POSTN: variants seen among roughly 807,000 people sequenced by gnomAD.
The protein encoded by POSTN is osteoblast specific factor 2 (fasciclin I-like).
A neutral mutation model predicts 104.5 loss-of-function variants in POSTN; 71 were observed. That is an observed-to-expected ratio of 0.68 (90% CI 0.56 to 0.83). POSTN has a LOEUF of 0.83. Among genes scored for constraint, POSTN ranks in the 40% least tolerant of loss-of-function variants. The pLI is 0.00. For synonymous variants in POSTN, 355 were observed against 340.7 expected (o/e 1.04, Z -0.46); for missense variants, 949 against 1,006.8 (o/e 0.94, Z 0.78).
intron 17 of POSTN, among the ~76,000 whole-genome samples, chr13:37,572,815 A>T (rs937022448): frequency 6.6e-6 from 1 of 151,630 alleles, no homozygotes; most frequent in African/African-American, 2.4e-5. Flanking sequence ...GTCATCAATA[A>T]ATCTGTAATT....
At chr13:37,576,485 GA>G (rs1043539436) in intron 16 of POSTN, among the ~76,000 whole-genome samples, 1 of 151,912 alleles carries the variant, frequency 6.6e-6, no homozygotes, top group Non-Finnish European at 1.5e-5. Flanking sequence ...TTTAGTAGGA[GA>G]AAATAATTAT....
chr13:37,590,642 A>T, intron 3 of POSTN, 113 bp from the exon 4 acceptor site: 1 of 834,680 alleles, frequency 1.2e-6, no homozygotes, highest in Non-Finnish European at 1.7e-6. Context: ...TAATTTTAGC[A>T]ATACAATTAT....
intron 10 of POSTN, 34 bp from the exon 11 acceptor site, chr13:37,580,731 T>G (rs1448711681): frequency 6.2e-7 from 1 of 1,612,828 alleles, no homozygotes. Context: ...GGGTGTCATT[T>G]TCCTTGCTTG....
In POSTN at chr13:37,577,930, A is replaced by C. The variant is rs966893334; in HGVS notation, c.1963-132T>G. The C allele has an allele frequency of 9.1e-6, 13 of 1,420,906 alleles. No individual in the cohort carries two copies. In the South Asian group the frequency reaches 2.2e-4, roughly 24 times the overall value. 88.0% of individuals were successfully genotyped at this position (1,420,906 alleles called of 1,614,324 possible). ...TACACTTAATAGAAGTGAAGTCCTC[A>C]TATAAATCATCTTCCAATTCAATGC... is the stretch of plus-strand genomic sequence containing the variant. On this transcript the variant is annotated intron_variant, in intron 15 of 22. Coordinates refer to ENST00000379747, the MANE Select transcript of POSTN (RefSeq NM_006475.3).
chr13:37,564,860 G>T, intron 21 of POSTN: 1 of 228,982 alleles, frequency 4.4e-6, no homozygotes, highest in Non-Finnish European at 8.4e-6. Context: ...TGACTTACAT[G>T]ATTTTTTCAA....
chr13:37,581,931 T>C (rs920133469), intron 10 of POSTN, among the ~76,000 whole-genome samples: 5 of 152,182 alleles, frequency 3.3e-5, no homozygotes, highest in African/African-American at 9.7e-5. Flanking sequence ...TGCTAACACA[T>C]TGTATGTGTA....
intron 2 of POSTN, among the ~76,000 whole-genome samples, chr13:37,596,550 C>T (rs1246492757): frequency 6.6e-6 from 1 of 152,154 alleles, no homozygotes; most frequent in Non-Finnish European, 1.5e-5. Flanking sequence ...AAAACATAAT[C>T]ATCCTTTGGG....
chr13:37,580,804 C>T (rs1566022543), intron 10 of POSTN, 107 bp from the exon 11 acceptor site: 3 of 1,419,904 alleles, frequency 2.1e-6, no homozygotes, highest in Non-Finnish European at 2.9e-6. Flanking sequence ...TGAGAGGTTG[C>T]CTGGTGTCTG....
Position 37,579,070 on chromosome 13 carries a change from T to A in POSTN, c.1843A>T (p.Met615Leu), listed in dbSNP as rs769687452. 7.4e-6 allele frequency: 12 copies of A among 1,613,340 alleles called. No homozygotes were observed. The highest frequency in any genetic ancestry group is 1.7e-5 in the Admixed American group (1 of 59,982). Residue 615 changes from methionine (M) to leucine (L), a missense_variant, in exon 14 of 23, where the codon ATG becomes TTG. Met to Leu is a conservative substitution (Grantham distance 15). Transcript: ENST00000379747. ...NELKSKESDI[M>L]TTNGVIHVVD... The stretch of plus-strand genomic sequence containing the variant: ...ACATGAATTACACCATTTGTTGTCA[T>A]GATGTCAGATTCTTTTGATTTCAAT...
Position 37,587,859 on chromosome 13 carries a change from T to G in POSTN, c.569A>C (p.Asn190Thr), listed in dbSNP as rs1332651839. Residue 190 changes from asparagine (N) to threonine (T), a missense_variant, in exon 5 of 23, where the codon AAC becomes ACC. Physicochemically the swap from Asn to Thr is moderately conservative, Grantham distance 65. Coordinates refer to ENST00000379747, the MANE Select transcript of POSTN (RefSeq NM_006475.3). ...ATGGTTAATGAAAAGCCCCAAATTG[T>G]TATACATTGAAGGAATAATCATGCC... ...KNGMIIPSMY[N>T]NLGLFINHYP... The G allele has an allele frequency of 6.2e-7, 1 of 1,604,918 alleles. No individual in the cohort carries two copies. Among genetic ancestry groups the G allele is most frequent in the African/African-American group, 1.3e-5 (1 of 74,738 alleles).
In POSTN at chr13:37,584,762, A is replaced by C. The variant is rs1317304405; in HGVS notation, c.1062T>G (p.Asn354Lys). The change falls in exon 8 of 23, where the codon AAT becomes AAG. Residue 354 changes from asparagine to lysine, a missense_variant. Coordinates refer to ENST00000379747, the MANE Select transcript of POSTN (RefSeq NM_006475.3). ...KMVNKKDIVT[N>K]NGVIHLIDQV... ...GATCAATCAAATGGATCACACCATT[A>C]TTTGTCACAATATCCTTTTTGTTCA... 1 of 1,613,846 alleles carries C rather than the reference A, an allele frequency of 6.2e-7. No individual in the cohort carries two copies. The highest frequency in any genetic ancestry group is 1.3e-5 in the African/African-American group (1 of 74,924).
intron 2 of POSTN, 147 bp from the exon 3 acceptor site, chr13:37,592,311 T>C: frequency 1.6e-6 from 1 of 609,858 alleles, no homozygotes; most frequent in Non-Finnish European, 2.8e-6. Context: ...TTTTCTTTTT[T>C]CTTTTGAGAC....
At position 37,590,408 on chromosome 13, in the gene POSTN, A is replaced by C; in HGVS notation, c.405T>G (p.Phe135Leu). 1.2e-6 allele frequency: 2 copies of C among 1,603,950 alleles called. No homozygotes were observed. The highest frequency in any genetic ancestry group is 2.2e-5 in the East Asian group (1 of 44,692). Residue 135 changes from phenylalanine to leucine, a missense_variant, in exon 4 of 23, where the codon TTT becomes TTG. By Grantham distance (22) the Phe-to-Leu change is conservative (BLOSUM62 0). Coordinates refer to ENST00000379747, the MANE Select transcript of POSTN (RefSeq NM_006475.3). ...EIEGKGSFTYFAPSNEAWDNL... is the reference protein window; with the variant it reads ...EIEGKGSFTYLAPSNEAWDNL... The stretch of plus-strand genomic sequence containing the variant: ...TGTCCCAAGCCTCATTACTCGGTGC[A>C]AAGTAAGTGAAGGATCCCTTTCCCT...
chr13:37,594,452 A>T (rs1484326177), intron 2 of POSTN, among the ~76,000 whole-genome samples: 1 of 152,126 alleles, frequency 6.6e-6, no homozygotes. Context: ...AAAAAAAAGC[A>T]GTTTTTTTCA....
intron 17 of POSTN, among the ~76,000 whole-genome samples, chr13:37,571,789 T>G (rs185866268): frequency 6.6e-6 from 1 of 151,870 alleles, no homozygotes; most frequent in East Asian, 1.9e-4. Flanking sequence ...TCATGCAGTA[T>G]GTACACATTT....
At chr13:37,577,200 G>A (rs556455704) in intron 16 of POSTN, among the ~76,000 whole-genome samples, 1 of 152,176 alleles carries the variant, frequency 6.6e-6, no homozygotes, top group East Asian at 1.9e-4. Context: ...TAATCTGGTT[G>A]TGTCAGAGAT....
intron 21 of POSTN, among the ~76,000 whole-genome samples, chr13:37,567,424 T>C (rs1335782000): frequency 6.6e-6 from 1 of 151,666 alleles, no homozygotes; most frequent in African/African-American, 2.4e-5. Flanking sequence ...CTTTTATCAA[T>C]GCCTTTTAGG....
Position 37,590,353 on chromosome 13 carries a change from G to T in POSTN, c.441+19C>A, listed in dbSNP as rs550034312. The T allele has an allele frequency of 9.8e-5, 147 of 1,495,544 alleles. No individual in the cohort carries two copies. The African/African-American group carries it at 1.8e-3, about 19-fold the overall frequency. The allele number at this position is 1,495,544 out of a possible 1,614,324, so 92.6% of individuals were successfully genotyped here. On this transcript the variant is annotated intron_variant, in intron 4 of 22. Coordinates refer to ENST00000379747, the MANE Select transcript of POSTN (RefSeq NM_006475.3). Reference sequence around the variant, plus strand: ...AATAACAGCAAAAAATAAATATATTGATAAAAATAATGAATTACAGAATCC... The same window carrying T: ...AATAACAGCAAAAAATAAATATATTTATAAAAATAATGAATTACAGAATCC...
Position 37,574,635 on chromosome 13 carries a change from T to G in POSTN, c.2026A>C (p.Lys676Gln), listed in dbSNP as rs1351867994. The G allele has an allele frequency of 8.8e-6, 14 of 1,599,558 alleles. No homozygotes were observed. The highest frequency in any genetic ancestry group is 2.2e-5 in the East Asian group (1 of 44,466). Reference protein sequence around the residue: ...VTVYTTKIITKVVEPKIKVIE... With the variant: ...VTVYTTKIITQVVEPKIKVIE... ...ACTTTAATTTTTGGTTCCACAACTTTGGTTATAATTTTAGTTGCTGAAAGT... is the reference window on the plus strand; with the variant it reads ...ACTTTAATTTTTGGTTCCACAACTTGGGTTATAATTTTAGTTGCTGAAAGT... The change falls in exon 17 of 23, where the codon AAA becomes CAA. Residue 676 changes from lysine to glutamine, a missense_variant. Physicochemically the swap from Lys to Gln is moderately conservative, Grantham distance 53 (BLOSUM62 1). Transcript: ENST00000379747.
Sources: allele counts gnomAD v4.1 joint callset (sites outside exome capture counted in the v4.1 genomes callset), GRCh38; gene constraint gnomAD v4.1.1; transcripts MANE v1.5; gene names NCBI Gene and HGNC (gene_info 2026-07-23, HGNC 2026-07-21).